QSER1: variants seen among roughly 807,000 people sequenced by gnomAD.
The protein encoded by QSER1 is glutamine and serine rich 1.
Under a neutral mutation model 158.5 loss-of-function variants are expected in QSER1, and 49 were observed. The ratio of observed to expected loss-of-function variants is 0.31; its 90% CI spans 0.25 to 0.39. The LOEUF (loss-of-function observed/expected upper bound fraction) is 0.39. QSER1 is among the 10% of genes least tolerant of loss of function. The pLI, the probability that QSER1 is intolerant of heterozygous loss-of-function variation, is 1.00. For missense variants in QSER1, 1,754 were observed against 2,010.3 expected, an observed-to-expected ratio of 0.87 and a Z score of 2.44; for synonymous variants, 650 against 715.5, an observed-to-expected ratio of 0.91 and a Z score of 1.46.
chr11:32,931,720 A>G (rs1590731893), intron 3 of QSER1, 23 bp from the exon 4 acceptor site: 4 of 1,532,482 alleles, frequency 2.6e-6, no homozygotes, highest in East Asian at 4.5e-5. Flanking sequence ...TTACATAAAA[A>G]TCTTTGTGCC....
At chr11:32,952,285 C>G (rs570056610) in intron 4 of QSER1, among the ~76,000 whole-genome samples, 2 of 152,174 alleles carry the variant, frequency 1.3e-5, no homozygotes, top group African/African-American at 4.8e-5. Flanking sequence ...CTCTGTAAAG[C>G]TGGGGAAGTT....
intron 5 of QSER1, 34 bp from the exon 6 acceptor site, chr11:32,955,262 G>A (rs1175680018): frequency 8.7e-7 from 1 of 1,152,870 alleles, no homozygotes; most frequent in Non-Finnish European, 1.3e-6. Context: ...ATGTTGCTGT[G>A]TTTTGTAAGT....
chr11:32,948,837 T>C (rs1409389180), intron 4 of QSER1, among the ~76,000 whole-genome samples: 1 of 152,204 alleles, frequency 6.6e-6, no homozygotes, highest in African/African-American at 2.4e-5. Flanking sequence ...ATCATCCATT[T>C]CAATAATCAT....
At chr11:32,904,189 CTTTTT>C (rs370789790) in intron 1 of QSER1, among the ~76,000 whole-genome samples, 1 of 137,226 alleles carries the variant, frequency 7.3e-6, no homozygotes. Flanking sequence ...ATTTCTTTTT[CTTTTT>C]TTTTTTTTTT....
chr11:32,952,238 T>C (rs1470987210), intron 4 of QSER1, among the ~76,000 whole-genome samples: 2 of 152,234 alleles, frequency 1.3e-5, no homozygotes, highest in East Asian at 3.8e-4. Context: ...TTTTCACCAC[T>C]AAGTATGATG....
intron 8 of QSER1, among the ~76,000 whole-genome samples, chr11:32,961,749 C>A (rs564727412): frequency 6.6e-6 from 1 of 152,264 alleles, no homozygotes; most frequent in Admixed American, 6.5e-5. Context: ...TGGAATTATA[C>A]AATATTTTTC....
rs1852125177 is a variant in QSER1, at chr11:32,934,995, C to T, written c.3737C>T (p.Ser1246Phe). The T allele has an allele frequency of 6.2e-7, 1 of 1,614,016 alleles. No homozygotes were observed. The highest frequency in any genetic ancestry group is 1.1e-5 in the South Asian group (1 of 91,090). Residue 1246 changes from serine to phenylalanine, a missense_variant, in exon 4 of 13, where the codon TCC (serine) becomes TTC (phenylalanine). Ser to Phe is a radical substitution (Grantham distance 155). Transcript: ENST00000650167. ...ATTTACTTACCGTATACTCCTCCTTCCTCAGAAAGCTGCCATGATGGTTAT... is the reference window on the plus strand; with the variant it reads ...ATTTACTTACCGTATACTCCTCCTTTCTCAGAAAGCTGCCATGATGGTTAT... The part of the protein sequence containing the change: ...TDIYLPYTPP[S>F]SESCHDGYQH...
chr11:32,956,212 A>ATTTTT (rs1271554120), intron 7 of QSER1, 91 bp downstream of exon 7: 1 of 1,190,498 alleles, frequency 8.4e-7, no homozygotes, highest in Non-Finnish European at 1.2e-6. Flanking sequence ...AATTAAATAG[A>ATTTTT]TTTTTTTTAT....
intron 1 of QSER1, among the ~76,000 whole-genome samples, chr11:32,895,394 T>G (rs929359801): frequency 5.9e-5 from 9 of 151,986 alleles, no homozygotes; most frequent in African/African-American, 2.2e-4. Flanking sequence ...CTGTACAGAG[T>G]TACACTTCTG....
At chr11:32,960,047 A>G (rs1348933757) in intron 8 of QSER1, among the ~76,000 whole-genome samples, 2 of 151,974 alleles carry the variant, frequency 1.3e-5, no homozygotes, top group Non-Finnish European at 2.9e-5. Context: ...GATTATAGGC[A>G]TAAGCCACTG....
chr11:32,955,436 T>C, intron 6 of QSER1, 24 bp downstream of exon 6: 6 of 1,158,382 alleles, frequency 5.2e-6, no homozygotes, highest in Non-Finnish European at 7.5e-6. Context: ...ATGTTTACAT[T>C]AGCCTTATTT....
intron 12 of QSER1, 192 bp downstream of exon 12, chr11:32,975,535 C>T (rs775080773): frequency 8.3e-6 from 12 of 1,439,530 alleles, no homozygotes; most frequent in East Asian, 5.9e-5. Context: ...CAGATTTACC[C>T]GAGCCTCACC....
intron 4 of QSER1, among the ~76,000 whole-genome samples, chr11:32,942,994 A>T (rs1414629162): frequency 6.6e-6 from 1 of 152,048 alleles, no homozygotes; most frequent in African/African-American, 2.4e-5. Context: ...TCTTTGAAGC[A>T]ATTGTAAATG....
rs1564952764 is a variant in QSER1 at position 32,980,004 on chromosome 11, C to T, written c.*3530C>T. 1 of 152,552 alleles carries T rather than the reference C, an allele frequency of 6.6e-6. No individual in the cohort carries two copies. The highest frequency in any genetic ancestry group is 2.4e-5 in the African/African-American group (1 of 41,454). 9.4% of individuals were successfully genotyped at this position (152,552 alleles called of 1,614,324 possible). On this transcript the variant is annotated 3_prime_UTR_variant, in exon 13 of 13. Coordinates refer to ENST00000650167, the MANE Select transcript of QSER1 (RefSeq NM_001076786.3). ...CAGTCGCATTTGACGCATAACTGCA[C>T]AAATGAACAGTGTATACTCTTGGTT... is the stretch of plus-strand genomic sequence containing the variant.
chr11:32,967,612 G>C (rs1852774929), intron 9 of QSER1, among the ~76,000 whole-genome samples: 1 of 152,110 alleles, frequency 6.6e-6, no homozygotes, highest in South Asian at 2.1e-4. Context: ...ACTATATACT[G>C]TTTTATTATG....
chr11:32,957,581 G>T (rs1213130395), intron 7 of QSER1, among the ~76,000 whole-genome samples: 1 of 152,044 alleles, frequency 6.6e-6, no homozygotes, highest in Non-Finnish European at 1.5e-5. Context: ...CATAGTCTCT[G>T]GGAAATAAGT....
In QSER1 at chr11:32,931,897, T is replaced by C. The variant is rs754930684; in HGVS notation, c.639T>C (p.Thr213=). ...TTSPLVLQDS[T]FNTTSNGILS... ...CACCTTTGGTGCTTCAGGATTCAAC[T>C]TTTAACACTACATCAAATGGAATTT... is the stretch of plus-strand genomic sequence containing the variant. Residue 213 remains threonine (T), a synonymous_variant, in exon 4 of 13, where the codon ACT becomes ACC. Coordinates refer to ENST00000650167, the MANE Select transcript of QSER1 (RefSeq NM_001076786.3). 24 of 1,614,078 alleles carry C rather than the reference T, an allele frequency of 1.5e-5. No individual in the cohort carries two copies. The Admixed American group carries it at 4.0e-4, about 27-fold the overall frequency.
chr11:32,933,370 A>G lies in QSER1; in HGVS notation c.2112A>G (p.Gln704=), dbSNP rs374168422. Residue 704 remains glutamine (Q), a synonymous_variant, in exon 4 of 13, where the codon CAA becomes CAG. Transcript: ENST00000650167. ...AAGAGTTACAGGTGTTGCAGCCACA[A>G]GCATCTCTTGAGTCATCAACCCAAA... is the stretch of plus-strand genomic sequence containing the variant. ...PMQELQVLQP[Q]ASLESSTQRL... 3.7e-6 allele frequency: 6 copies of G among 1,613,650 alleles called. No individual in the cohort carries two copies. The African/African-American group carries it at 8.0e-5, about 22-fold the overall frequency.
rs749868406 is a variant in QSER1 at position 32,933,032 on chromosome 11, G to C, written c.1774G>C (p.Gly592Arg). The change falls in exon 4 of 13, where the codon GGG becomes CGG. Residue 592 changes from glycine (G) to arginine (R), a missense_variant. By Grantham distance (125) the Gly-to-Arg change is moderately radical (BLOSUM62 -2). This residue lies in a region of QSER1 where 1,707 missense variants were observed against 1,919.6 expected (regional missense o/e 0.89). Transcript: ENST00000650167. The stretch of plus-strand genomic sequence containing the variant: ...TAGTCTTTCAGAAAGCTATGCTTCA[G>C]GGGAGTCCCTAACATTAACAGCCCC... Reference protein sequence around the residue: ...VVSLSESYASGESLTLTAPSL... With the variant: ...VVSLSESYASRESLTLTAPSL... 4 of 1,612,638 alleles carry C rather than the reference G, an allele frequency of 2.5e-6. No homozygotes were observed. Among genetic ancestry groups the C allele is most frequent in the Non-Finnish European group, 3.4e-6 (4 of 1,179,994 alleles).
Sources: allele counts gnomAD v4.1 joint callset (sites outside exome capture counted in the v4.1 genomes callset), GRCh38; gene constraint gnomAD v4.1.1; regional missense constraint gnomAD v4.1.1; transcripts MANE v1.5; gene names NCBI Gene and HGNC (gene_info 2026-07-23, HGNC 2026-07-21).